The following SGCZ variants were observed in gnomAD, a reference collection of about 807,000 sequenced individuals.
SGCZ encodes the protein sarcoglycan zeta.
A neutral mutation model predicts 41.3 loss-of-function variants in SGCZ; 40 were observed. The ratio of observed to expected loss-of-function variants is 0.97; its 90% CI spans 0.75 to 1.26. SGCZ has a LOEUF of 1.26. SGCZ is among the 50% of genes most tolerant of loss of function. SGCZ has a pLI of 0.00. For synonymous variants in SGCZ, 206 were observed against 137.5 expected (o/e 1.50, Z -3.49); for missense variants, 552 against 369.8 (o/e 1.49, Z -4.04).
At chr8:15,165,807 T>C (rs1018910854) in intron 1 of SGCZ, among the ~76,000 whole-genome samples, 3 of 152,238 alleles carry the variant, frequency 2.0e-5, no homozygotes, top group African/African-American at 7.2e-5. Flanking sequence ...TTGTGGAAAT[T>C]AATCTTGCAG....
intron 1 of SGCZ, among the ~76,000 whole-genome samples, chr8:14,839,016 T>C (rs1402202556): frequency 6.6e-6 from 1 of 151,916 alleles, no homozygotes; most frequent in Non-Finnish European, 1.5e-5. Context: ...ACCTGGAGGG[T>C]CTTGAGAAAG....
intron 4 of SGCZ, among the ~76,000 whole-genome samples, chr8:14,224,906 A>G (rs533989474): frequency 6.6e-6 from 1 of 152,270 alleles, no homozygotes; most frequent in Admixed American, 6.5e-5. Context: ...AATATTCTCT[A>G]CATAAAGAAA....
intron 1 of SGCZ, among the ~76,000 whole-genome samples, chr8:14,682,635 T>C (rs1412478090): frequency 6.6e-5 from 10 of 151,976 alleles, no homozygotes; most frequent in African/African-American, 9.7e-5. Context: ...GGGATTTCAC[T>C]GTGTTAGCCA....
At chr8:14,516,159 C>A (rs376137204) in intron 2 of SGCZ, among the ~76,000 whole-genome samples, 4 of 150,576 alleles carry the variant, frequency 2.7e-5, no homozygotes, top group African/African-American at 9.7e-5. Context: ...AAACATTTTA[C>A]TTTAGGTTTG....
chr8:14,367,070 C>G (rs1352096258), intron 2 of SGCZ, among the ~76,000 whole-genome samples: 1 of 152,078 alleles, frequency 6.6e-6, no homozygotes, highest in African/African-American at 2.4e-5. Context: ...TCTGCTTTCT[C>G]CTGAACACTT....
chr8:14,473,256 A>T (rs150121345), intron 2 of SGCZ, among the ~76,000 whole-genome samples: 23 of 152,278 alleles, frequency 1.5e-4, no homozygotes, highest in African/African-American at 5.3e-4. Context: ...ACTAAGGTAA[A>T]ATAGTTTAAA....
At position 14,669,648 on chromosome 8, in the gene SGCZ, G is replaced by A. The variant is rs539769671; in HGVS notation, c.40-114722C>T. ...TCCATACATGTTATCACAAATGGCA[G>A]CACTTGCTTCTGTCTTATGGCTGAA... On this transcript the variant is annotated intron_variant, in intron 1 of 7. Transcript: ENST00000382080. Among the ~76,000 whole-genome samples, 6 of 151,570 alleles carry A rather than the reference G, an allele frequency of 4.0e-5. No individual in the cohort carries two copies. In the South Asian group the frequency reaches 1.0e-3, roughly 26 times the overall value.
At position 14,803,704 on chromosome 8, in the gene SGCZ, G is replaced by T. The variant is rs1467351888; in HGVS notation, c.40-248778C>A. ...CTTAGGTAAACAAAGCAGCCAGGAA[G>T]CTCAAACTGGGTGGAGCCCACCACA... On this transcript the variant is annotated intron_variant, in intron 1 of 7. Coordinates refer to ENST00000382080, the MANE Select transcript of SGCZ (RefSeq NM_139167.4). 5.9e-5 allele frequency among the ~76,000 whole-genome samples: 9 copies of T among 151,976 alleles called. No individual in the cohort carries two copies. The East Asian group carries it at 1.8e-3, about 30-fold the overall frequency.
chr8:14,746,538 C>G (rs758824067), intron 1 of SGCZ, among the ~76,000 whole-genome samples: 5 of 152,092 alleles, frequency 3.3e-5, no homozygotes, highest in Non-Finnish European at 5.9e-5. Context: ...CACTCTCTAT[C>G]TCAGGATGTG....
intron 3 of SGCZ, among the ~76,000 whole-genome samples, chr8:14,317,419 G>C (rs574138110): frequency 6.6e-6 from 1 of 151,966 alleles, no homozygotes; most frequent in Admixed American, 6.6e-5. Context: ...CTGAATGTTA[G>C]CTATTATTAA....
chr8:14,313,688 G>T (rs954923325), intron 3 of SGCZ, among the ~76,000 whole-genome samples: 1 of 152,074 alleles, frequency 6.6e-6, no homozygotes, highest in African/African-American at 2.4e-5. Context: ...TTATTTTAAG[G>T]AATTTAAAGA....
intron 1 of SGCZ, among the ~76,000 whole-genome samples, chr8:15,122,746 C>G (rs145720781): frequency 2.6e-5 from 4 of 152,280 alleles, no homozygotes; most frequent in African/African-American, 9.6e-5. Flanking sequence ...ATCAAACTCT[C>G]ATAAATAAAC....
intron 1 of SGCZ, among the ~76,000 whole-genome samples, chr8:15,020,986 T>C (rs1287856051): frequency 6.6e-6 from 1 of 152,212 alleles, no homozygotes; most frequent in Non-Finnish European, 1.5e-5. Context: ...AATCATATCC[T>C]GAAAATTTTG....
intron 5 of SGCZ, among the ~76,000 whole-genome samples, chr8:14,143,358 A>G (rs1803429574): frequency 6.6e-6 from 1 of 152,204 alleles, no homozygotes; most frequent in Non-Finnish European, 1.5e-5. Context: ...CATACAGGTT[A>G]AAAAGGAAGA....
At chr8:14,828,066 T>G (rs1802398283) in intron 1 of SGCZ, among the ~76,000 whole-genome samples, 1 of 152,208 alleles carries the variant, frequency 6.6e-6, no homozygotes, top group African/African-American at 2.4e-5. Context: ...ACACATCAGC[T>G]TGAAATGAAT....
intron 4 of SGCZ, among the ~76,000 whole-genome samples, chr8:14,174,851 C>T (rs192774082): frequency 2.5e-4 from 38 of 152,158 alleles, no homozygotes; most frequent in Non-Finnish European, 4.3e-4. Context: ...ATCTTAAAGG[C>T]TCTGAGAAAA....
intron 4 of SGCZ, among the ~76,000 whole-genome samples, chr8:14,213,070 A>G (rs2169699): frequency 0.51 from 77,456 of 151,948 alleles, 21,071 homozygotes; most frequent in East Asian, 0.75. Context: ...ACTGTGGGAC[A>G]ACAGCAAAAG....
At chr8:14,236,528 C>T (rs1231769620) in intron 4 of SGCZ, among the ~76,000 whole-genome samples, 2 of 151,704 alleles carry the variant, frequency 1.3e-5, no homozygotes, top group Admixed American at 1.3e-4. Flanking sequence ...ATTATTTTTG[C>T]ATAATTTAAT....
At chr8:14,754,694 G>C (rs1799602659) in intron 1 of SGCZ, among the ~76,000 whole-genome samples, 2 of 151,994 alleles carry the variant, frequency 1.3e-5, no homozygotes, top group Admixed American at 6.6e-5. Flanking sequence ...CAGTAATATG[G>C]TGCATCTCTC....
Sources: gnomAD v4.1 joint callset for allele counts (sites outside exome capture counted in the v4.1 genomes callset) on GRCh38, gnomAD v4.1.1 for gene constraint, MANE v1.5 for transcripts, NCBI Gene and HGNC (gene_info 2026-07-23, HGNC 2026-07-21) for gene names.